The following ADCYAP1R1 variants were observed in gnomAD, a reference collection of about 807,000 sequenced individuals.
ADCYAP1R1 encodes pituitary adenylate cyclase-activating polypeptide type I receptor.
In ADCYAP1R1, 44 loss-of-function variants were observed where a neutral mutation model predicts 67.6. That is an observed-to-expected ratio of 0.65 (90% CI 0.51 to 0.84). ADCYAP1R1 has a LOEUF of 0.84. ADCYAP1R1 is among the 40% of genes least tolerant of loss of function. The pLI is 0.00. For missense variants in ADCYAP1R1, 477 were observed against 587.9 expected, an observed-to-expected ratio of 0.81 and a Z score of 1.95; for synonymous variants, 222 against 219.6, an observed-to-expected ratio of 1.01 and a Z score of -0.10.
Position 31,107,984 on chromosome 7 carries a change from A to G in ADCYAP1R1, c.*1300A>G, listed in dbSNP as rs1370298480. 1 of 152,210 alleles carries G rather than the reference A, an allele frequency of 6.6e-6. No individual in the cohort carries two copies. The highest frequency in any genetic ancestry group is 2.4e-5 in the African/African-American group (1 of 41,440). 9.4% of individuals were successfully genotyped at this position (152,210 alleles called of 1,614,324 possible). On this transcript the variant is annotated 3_prime_UTR_variant, in exon 16 of 16. Transcript: ENST00000304166. ...CAGGTTGCACACCCTCAGCCTGAGA[A>G]TGTAAAATAGGGCAGTGCCCAGCTG...
At chr7:31,053,657 C>T (rs981838796) in intron 1 of ADCYAP1R1, among the ~76,000 whole-genome samples, 3 of 152,196 alleles carry the variant, frequency 2.0e-5, no homozygotes, top group Non-Finnish European at 4.4e-5. Flanking sequence ...TTCTTCCGAC[C>T]ATTTTTATGT....
chr7:31,103,247 C>G lies in ADCYAP1R1; in HGVS notation c.1057C>G (p.Arg353Gly), dbSNP rs759578105. The change falls in exon 14 of 16, where the codon CGG becomes GGG. Residue 353 changes from arginine (R) to glycine (G), a missense_variant. Transcript: ENST00000304166. ...NESSIYLRLA[R>G]STLLLIPLFG... ...GCTTTCCTCCGACAGGCGACTGGCC[C>G]GGTCCACCCTGCTGCTCATCCCACT... 3.1e-6 allele frequency: 5 copies of G among 1,613,908 alleles called. No individual in the cohort carries two copies. Among genetic ancestry groups the G allele is most frequent in the Admixed American group, 1.7e-5 (1 of 59,996 alleles).
chr7:31,073,653 G>T (rs937717095), intron 3 of ADCYAP1R1, among the ~76,000 whole-genome samples: 3 of 152,172 alleles, frequency 2.0e-5, no homozygotes, highest in African/African-American at 4.8e-5. Flanking sequence ...GAGGAGAGGA[G>T]GTGGGAGCCT....
intron 15 of ADCYAP1R1, 141 bp from the exon 16 acceptor site, chr7:31,106,355 A>T: frequency 9.8e-7 from 1 of 1,024,494 alleles, no homozygotes; most frequent in Non-Finnish European, 1.4e-6. Flanking sequence ...GGAGACCTTG[A>T]GGGCCGCAGG....
intron 5 of ADCYAP1R1, among the ~76,000 whole-genome samples, chr7:31,080,990 T>C (rs1477520109): frequency 1.3e-5 from 2 of 152,310 alleles, no homozygotes; most frequent in East Asian, 3.9e-4. Flanking sequence ...CATGCAGATA[T>C]TGACATCCCT....
chr7:31,103,499 G>T (rs1452272540), intron 14 of ADCYAP1R1, 133 bp downstream of exon 14: 31 of 1,263,762 alleles, frequency 2.5e-5, no homozygotes, highest in Non-Finnish European at 3.3e-5. Context: ...AGGGAGCCCT[G>T]TCTGCTGTCT....
At chr7:31,096,748 G>A (rs1478548547) in intron 13 of ADCYAP1R1, among the ~76,000 whole-genome samples, 1 of 152,132 alleles carries the variant, frequency 6.6e-6, no homozygotes, top group Admixed American at 6.5e-5. Context: ...GTGGTAGGGA[G>A]TACTTCGAGG....
chr7:31,102,332 T>C lies in ADCYAP1R1; in HGVS notation c.1047-905T>C, dbSNP rs572280365. 6.6e-6 allele frequency among the ~76,000 whole-genome samples: 1 copy of C among 152,274 alleles called. No homozygotes were observed. The highest frequency in any genetic ancestry group is 2.1e-4 in the South Asian group (1 of 4,822). On this transcript the variant is annotated intron_variant, in intron 13 of 15. Transcript: ENST00000304166. This position sits in a 1 kb window ranked among gnomAD's most constrained non-coding sequence, Gnocchi z 4.3. ...ATCTGCAGGGCAGAGCTGGACTCTC[T>C]GGGGGAGACCCACAGGGAGCCAGTG...
chr7:31,065,233 C>G (rs555181694), intron 3 of ADCYAP1R1, among the ~76,000 whole-genome samples: 1 of 152,274 alleles, frequency 6.6e-6, no homozygotes, highest in Non-Finnish European at 1.5e-5. Context: ...CTGTCAAGAG[C>G]TTGTTAGCAG....
rs1304609254 is a variant in ADCYAP1R1, at chr7:31,106,937, G to T, written c.*253G>T. The T allele has an allele frequency of 2.1e-6, 1 of 477,454 alleles. No homozygotes were observed. The highest frequency in any genetic ancestry group is 2.0e-5 in the African/African-American group (1 of 49,894). The allele number at this position is 477,454 out of a possible 1,614,324, so 29.6% of individuals were successfully genotyped here. A position where few individuals can be genotyped will look rare whatever the true frequency, so the allele number is the denominator to read the frequency against. On this transcript the variant is annotated 3_prime_UTR_variant, in exon 16 of 16. Transcript: ENST00000304166. Reference sequence around the variant, plus strand: ...AATACTCCTCAAATTTGGAAAAGTTGTCCCATCCCTTCCCCCTTTGCCCCA... The same window carrying T: ...AATACTCCTCAAATTTGGAAAAGTTTTCCCATCCCTTCCCCCTTTGCCCCA...
chr7:31,078,437 T>TG (rs1795369598), intron 4 of ADCYAP1R1, among the ~76,000 whole-genome samples: 1 of 152,210 alleles, frequency 6.6e-6, no homozygotes, highest in South Asian at 2.1e-4. Flanking sequence ...TGTGAAGCGA[T>TG]GCTGTGGACG....
chr7:31,068,263 C>G (rs530584919), intron 3 of ADCYAP1R1, among the ~76,000 whole-genome samples: 4 of 152,288 alleles, frequency 2.6e-5, no homozygotes, highest in African/African-American at 9.6e-5. Context: ...TTAACCCTCA[C>G]CAGCCTATGG....
chr7:31,103,129 C>T, intron 13 of ADCYAP1R1, 108 bp from the exon 14 acceptor site: 2 of 1,481,726 alleles, frequency 1.3e-6, no homozygotes, highest in Non-Finnish European at 1.8e-6. Flanking sequence ...GACACGGGCC[C>T]CAGCTTGGAG....
At chr7:31,061,055 A>G (rs1356166269) in intron 1 of ADCYAP1R1, among the ~76,000 whole-genome samples, 3 of 152,192 alleles carry the variant, frequency 2.0e-5, no homozygotes, top group African/African-American at 7.2e-5. Flanking sequence ...CTGGGGAAGC[A>G]GTGAGTATCT....
intron 15 of ADCYAP1R1, 128 bp downstream of exon 15, chr7:31,105,037 A>G: frequency 1.0e-6 from 1 of 964,132 alleles, no homozygotes; most frequent in Non-Finnish European, 1.7e-6. Context: ...CCCAGCACTG[A>G]GAGGAGGGGC....
rs1268658128 is a variant in ADCYAP1R1 at position 31,111,434 on chromosome 7, C to T, written c.*4750C>T. On this transcript the variant is annotated 3_prime_UTR_variant, in exon 16 of 16. Coordinates refer to ENST00000304166, the MANE Select transcript of ADCYAP1R1 (RefSeq NM_001118.5). ...ATCTTGTCCAGGATTTTAAGGATGTCAGACTGCTGTAGATGACTCAATAAA... is the reference window on the plus strand; with the variant it reads ...ATCTTGTCCAGGATTTTAAGGATGTTAGACTGCTGTAGATGACTCAATAAA... The T allele has an allele frequency of 6.6e-6, 1 of 152,136 alleles. No individual in the cohort carries two copies. Among genetic ancestry groups the T allele is most frequent in the East Asian group, 1.9e-4 (1 of 5,198 alleles). The allele number at this position is 152,136 out of a possible 1,614,324, so 9.4% of individuals were successfully genotyped here. A position where few individuals can be genotyped will look rare whatever the true frequency, so the allele number is the denominator to read the frequency against.
intron 12 of ADCYAP1R1, among the ~76,000 whole-genome samples, chr7:31,091,566 G>A (rs11979753): frequency 0.1 from 15,446 of 152,070 alleles, 1,524 homozygotes; most frequent in African/African-American, 0.26. Context: ...TAAGTCTTTA[G>A]TTCATCTTTA....
chr7:31,074,620 A>G (rs934710229), intron 3 of ADCYAP1R1, among the ~76,000 whole-genome samples: 2 of 152,230 alleles, frequency 1.3e-5, no homozygotes, highest in African/African-American at 2.4e-5. Context: ...TGGCTGGGGC[A>G]TGGGCCAGAC....
In ADCYAP1R1 at chr7:31,084,279, G is replaced by T. The variant is rs563895478; in HGVS notation, c.438+29G>T. 2.6e-5 allele frequency: 42 copies of T among 1,596,646 alleles called. No homozygotes were observed. In the South Asian group the frequency reaches 4.3e-4, roughly 16 times the overall value. On this transcript the variant is annotated intron_variant, in intron 7 of 15. Transcript: ENST00000304166. ...AGTGTCTGCACCCTGCTCCCCAGAG[G>T]TGGTGAGGGTAGGGCTGAGGAAATT...
Sources: gnomAD v4.1 joint callset for allele counts (sites outside exome capture counted in the v4.1 genomes callset) on GRCh38, gnomAD v4.1.1 for gene constraint, Gnocchi (gnomAD v3.1) non-coding constraint, MANE v1.5 for transcripts, NCBI Gene and HGNC (gene_info 2026-07-23, HGNC 2026-07-21) for gene names.